The following GSPT1 variants were observed in gnomAD, a reference collection of about 807,000 sequenced individuals.
The protein encoded by GSPT1 is eukaryotic peptide chain release factor GTP-binding subunit ERF3A.
In GSPT1, 20 loss-of-function variants were observed where a neutral mutation model predicts 72.5. That is an observed-to-expected ratio of 0.28 (90% confidence interval 0.19 to 0.40). GSPT1 has a LOEUF of 0.40. Among genes scored for constraint, GSPT1 ranks in the 10% least tolerant of loss-of-function variants. The pLI is 1.00. For synonymous variants in GSPT1, 334 were observed against 293.5 expected, an observed-to-expected ratio of 1.14 and a Z score of -1.41; for missense variants, 580 against 811.9, an observed-to-expected ratio of 0.71 and a Z score of 3.47.
intron 1 of GSPT1, among the ~76,000 whole-genome samples, chr16:11,903,463 C>T (rs573824092): frequency 2.2e-4 from 33 of 152,130 alleles, no homozygotes; most frequent in East Asian, 1.5e-3. Context: ...TGCAGTGAGC[C>T]GAGATTGCAC....
At chr16:11,879,749 AAAAAAACAAAAC>A (rs1272194050) in intron 11 of GSPT1, among the ~76,000 whole-genome samples, 40 of 152,042 alleles carry the variant, frequency 2.6e-4, no homozygotes, top group Non-Finnish European at 4.9e-4. Context: ...AAAAAAAAAA[AAAAAAACAAAAC>A]AAAAAACAAA....
rs778203202 is a variant in GSPT1, at chr16:11,885,178, T to C, written c.1347+3A>G. The C allele has an allele frequency of 1.4e-6, 2 of 1,438,630 alleles. No individual in the cohort carries two copies. Among genetic ancestry groups the C allele is most frequent in the East Asian group, 4.5e-5 (2 of 44,008 alleles). 89.1% of individuals were successfully genotyped at this position (1,438,630 alleles called of 1,614,324 possible). A position where few individuals can be genotyped will look rare whatever the true frequency, so the allele number is the denominator to read the frequency against. On this transcript the variant is annotated splice_donor_region_variant and intron_variant, in intron 10 of 14. Coordinates refer to ENST00000434724, the MANE Select transcript of GSPT1 (RefSeq NM_002094.4). ...AACCCAATTTCTTTAACATTTTGGG[T>C]ACCTTGTACTTATCCACAATTGGCA...
At position 11,915,755 on chromosome 16, in the gene GSPT1, C is replaced by A. The variant is rs537153588; in HGVS notation, c.-35G>T. ...GGCCGTGTGTGTGGTGGACAGAGAG[C>A]GGGAAATGGAGGCAGGGGCGCCCGG... On this transcript the variant is annotated 5_prime_UTR_variant, in exon 1 of 15. Transcript: ENST00000434724. 1.6e-5 allele frequency: 25 copies of A among 1,551,440 alleles called. No homozygotes were observed. Among genetic ancestry groups the A allele is most frequent in the East Asian group, 7.2e-5 (3 of 41,908 alleles).
At chr16:11,910,306 G>A (rs980144802) in intron 1 of GSPT1, among the ~76,000 whole-genome samples, 3 of 152,154 alleles carry the variant, frequency 2.0e-5, no homozygotes, top group African/African-American at 7.2e-5. Flanking sequence ...GGCTTTGAAA[G>A]CCTTCTCTAC....
At chr16:11,885,603 C>T (rs2054177657) in intron 9 of GSPT1, among the ~76,000 whole-genome samples, 1 of 152,076 alleles carries the variant, frequency 6.6e-6, no homozygotes, top group South Asian at 2.1e-4. Context: ...TTTAAACATA[C>T]AGTATTGGCT....
intron 5 of GSPT1, among the ~76,000 whole-genome samples, chr16:11,892,779 A>AGT (rs1294530208): frequency 7.1e-6 from 1 of 140,154 alleles, no homozygotes. Flanking sequence ...CAGTGAGCCA[A>AGT]GATCACACCA....
chr16:11,887,021 G>GTTT (rs34304551), intron 7 of GSPT1, 90 bp from the exon 8 acceptor site: 5,190 of 541,870 alleles, frequency 9.6e-3, no homozygotes, highest in South Asian at 0.019. Context: ...TATATCACGA[G>GTTT]TTTTTTTTTT....
At position 11,915,933 on chromosome 16, in the gene GSPT1, A is replaced by T; in HGVS notation, c.-213T>A. 1 of 753,900 alleles carries T rather than the reference A, an allele frequency of 1.3e-6. No individual in the cohort carries two copies. The highest frequency in any genetic ancestry group is 1.4e-5 in the South Asian group (1 of 73,900). 46.7% of individuals were successfully genotyped at this position (753,900 alleles called of 1,614,324 possible). A position where few individuals can be genotyped will look rare whatever the true frequency, so the allele number is the denominator to read the frequency against. Reference sequence around the variant, plus strand: ...CAGAGGCGGCGGCGGCGGCAGCTCAACCCTCCTCCTCGTGTGTGTGAGCGG... The same window carrying T: ...CAGAGGCGGCGGCGGCGGCAGCTCATCCCTCCTCCTCGTGTGTGTGAGCGG... On this transcript the variant is annotated 5_prime_UTR_variant, in exon 1 of 15. The change creates a new upstream start codon in the 5' untranslated region. Coordinates refer to ENST00000434724, the MANE Select transcript of GSPT1 (RefSeq NM_002094.4).
intron 1 of GSPT1, among the ~76,000 whole-genome samples, chr16:11,906,129 T>C (rs1301761359): frequency 6.6e-6 from 1 of 152,050 alleles, no homozygotes; most frequent in African/African-American, 2.4e-5. Flanking sequence ...TCGCCCAGGC[T>C]GGAGTGCAGT....
At chr16:11,900,881 G>C (rs1258104046) in intron 1 of GSPT1, among the ~76,000 whole-genome samples, 1 of 152,144 alleles carries the variant, frequency 6.6e-6, no homozygotes, top group East Asian at 1.9e-4. Flanking sequence ...TTGCAAATGG[G>C]TTGGGCATGG....
chr16:11,869,478 G>C lies in GSPT1; in HGVS notation c.*3641C>G, dbSNP rs1215971270. 1.7e-4 allele frequency: 26 copies of C among 152,204 alleles called. No individual in the cohort carries two copies. The highest frequency in any genetic ancestry group is 5.9e-5 in the Non-Finnish European group (4 of 68,046). The allele number at this position is 152,204 out of a possible 1,614,324, so 9.4% of individuals were successfully genotyped here. A position where few individuals can be genotyped will look rare whatever the true frequency, so the allele number is the denominator to read the frequency against. On this transcript the variant is annotated 3_prime_UTR_variant, in exon 15 of 15. Transcript: ENST00000434724. ...TCTTCCTTACCTATGTCTGTGAAAG[G>C]ATTAATGGCACAGTTTGATAAGGTA...
Position 11,915,358 on chromosome 16 carries a change from CG to C in GSPT1, c.352+10del. On this transcript the variant is annotated intron_variant, in intron 1 of 14. Transcript: ENST00000434724. ...CCCGGCCGGACTTCCTCCCGCGTCC[CG>C]GGCCTTTACCCGCACGGCCTCCCGC... 2 of 1,466,274 alleles carry C rather than the reference CG, an allele frequency of 1.4e-6. No homozygotes were observed. The highest frequency in any genetic ancestry group is 2.7e-5 in the South Asian group (2 of 75,320). 90.8% of individuals were successfully genotyped at this position (1,466,274 alleles called of 1,614,324 possible). A position where few individuals can be genotyped will look rare whatever the true frequency, so the allele number is the denominator to read the frequency against.
chr16:11,883,911 C>CA (rs567658399), intron 10 of GSPT1, among the ~76,000 whole-genome samples: 573 of 91,972 alleles, frequency 6.2e-3, no homozygotes, highest in African/African-American at 0.012. Context: ...GACTCCATCT[C>CA]AAAAAAAAAA....
In GSPT1 at chr16:11,877,159, G is replaced by A. The variant is rs1448010282; in HGVS notation, c.1602+248C>T. On this transcript the variant is annotated intron_variant, in intron 12 of 14. Coordinates refer to ENST00000434724, the MANE Select transcript of GSPT1 (RefSeq NM_002094.4). This position sits in a 1 kb window ranked among gnomAD's most constrained non-coding sequence, Gnocchi z 4.0. ...GATACTGTAGAATGTATCATCAGGA[G>A]ATCAAACATAAAAAGGAACTTACAA... Among the ~76,000 whole-genome samples the A allele has an allele frequency of 1.3e-5, 2 of 152,154 alleles. No individual in the cohort carries two copies. The highest frequency in any genetic ancestry group is 2.9e-5 in the Non-Finnish European group (2 of 68,040).
Position 11,893,135 on chromosome 16 carries a change from G to A in GSPT1, c.698+1819C>T, listed in dbSNP as rs538631998. Among the ~76,000 whole-genome samples, 39 of 150,902 alleles carry A rather than the reference G, an allele frequency of 2.6e-4. No individual in the cohort carries two copies. In the East Asian group the frequency reaches 6.9e-3, roughly 27 times the overall value. On this transcript the variant is annotated intron_variant, in intron 5 of 14. Transcript: ENST00000434724. ...ATAAGGTGGGCATGGTGGTGCAAGCGTGTAGTCCCAGCTACTTGGGAGGCT... is the reference window on the plus strand; with the variant it reads ...ATAAGGTGGGCATGGTGGTGCAAGCATGTAGTCCCAGCTACTTGGGAGGCT...
At position 11,915,580 on chromosome 16, in the gene GSPT1, G is replaced by C. The variant is rs956446963; in HGVS notation, c.141C>G (p.Gly47=). ...EAPGPGPCGG[G]GSLAAAAEAQ... is the part of the protein sequence containing the mutation. ...CCTCGGCCGCCGCCGCCAGGGAGCC[G>C]CCGCCGCCGCAAGGGCCCGGCCCGG... Residue 47 remains glycine (G), a synonymous_variant, in exon 1 of 15, where the codon GGC becomes GGG. Transcript: ENST00000434724. The C allele has an allele frequency of 6.7e-7, 1 of 1,486,484 alleles. No individual in the cohort carries two copies. Among genetic ancestry groups the C allele is most frequent in the Admixed American group, 2.4e-5 (1 of 42,512 alleles). 92.1% of individuals were successfully genotyped at this position (1,486,484 alleles called of 1,614,324 possible). A position where few individuals can be genotyped will look rare whatever the true frequency, so the allele number is the denominator to read the frequency against.
In GSPT1 at chr16:11,878,305, C is replaced by T. The variant is rs556911744; in HGVS notation, c.1429-725G>A. Among the ~76,000 whole-genome samples the T allele has an allele frequency of 5.9e-5, 9 of 152,098 alleles. No individual in the cohort carries two copies. The South Asian group carries it at 1.0e-3, about 18-fold the overall frequency. On this transcript the variant is annotated intron_variant, in intron 11 of 14. Transcript: ENST00000434724. ...TAATTTTTTGTATTTTTAGTAGAGA[C>T]GAGGTTTCACCATGTTGGCCAGGCT...
rs994650458 is a variant in GSPT1, at chr16:11,877,782, C to T, written c.1429-202G>A. On this transcript the variant is annotated intron_variant, in intron 11 of 14. Coordinates refer to ENST00000434724, the MANE Select transcript of GSPT1 (RefSeq NM_002094.4). This position sits in a 1 kb window ranked among gnomAD's most constrained non-coding sequence, Gnocchi z 4.0. ...GTATAACTGCCAATTAAAGTATTAACGTGTCACCTTTTAAATATCACATTC... is the reference window on the plus strand; with the variant it reads ...GTATAACTGCCAATTAAAGTATTAATGTGTCACCTTTTAAATATCACATTC... Among the ~76,000 whole-genome samples, 5 of 152,158 alleles carry T rather than the reference C, an allele frequency of 3.3e-5. No individual in the cohort carries two copies. The highest frequency in any genetic ancestry group is 2.1e-4 in the South Asian group (1 of 4,830).
chr16:11,873,886 G>C (rs536003466), intron 14 of GSPT1, among the ~76,000 whole-genome samples: 1 of 152,302 alleles, frequency 6.6e-6, no homozygotes, highest in South Asian at 2.1e-4. Flanking sequence ...ACCACACTGG[G>C]CCAAAAAACC....
Sources: allele counts gnomAD v4.1 joint callset (sites outside exome capture counted in the v4.1 genomes callset), GRCh38; gene constraint gnomAD v4.1.1; non-coding constraint Gnocchi (gnomAD v3.1); transcripts MANE v1.5; gene names NCBI Gene and HGNC (gene_info 2026-07-23, HGNC 2026-07-21).